Variants in NAV2 observed in about 807,000 individuals in gnomAD.
NAV2 encodes neuron navigator 2, also known as helicase, APC down-regulated 1.
A neutral mutation model predicts 223.2 loss-of-function variants in NAV2; 54 were observed. That is an observed-to-expected ratio of 0.24 (90% CI 0.19 to 0.30). The LOEUF (loss-of-function observed/expected upper bound fraction) is 0.30, where lower values mean the gene tolerates loss of function less well. NAV2 is among the 10% of genes least tolerant of loss of function. NAV2 has a pLI of 1.00. For missense variants in NAV2, 2,806 were observed against 3,147.5 expected (o/e 0.89, Z 2.60); for synonymous variants, 1,279 against 1,239.3 (o/e 1.03, Z -0.67).
chr11:19,809,117 G>A (rs2058728250), intron 1 of NAV2, among the ~76,000 whole-genome samples: 1 of 152,144 alleles, frequency 6.6e-6, no homozygotes, highest in African/African-American at 2.4e-5. Flanking sequence ...AGTTTTGAAT[G>A]GCTTCTTTTT....
At chr11:19,346,676 C>T (rs991436241), upstream of NAV2, among the ~76,000 whole-genome samples, 2 of 152,192 alleles carry the variant, frequency 1.3e-5, no homozygotes, top group Non-Finnish European at 2.9e-5. Context: ...GATAAAGGCG[C>T]CAGGGTTGGC....
intron 10 of NAV2, among the ~76,000 whole-genome samples, chr11:19,967,646 G>A (rs2048885738): frequency 6.6e-6 from 1 of 152,148 alleles, no homozygotes; most frequent in Non-Finnish European, 1.5e-5. Flanking sequence ...ACTAGAGGCA[G>A]TTTTGCAAGG....
chr11:19,599,017 T>C (rs2046285837), intron 1 of NAV2, among the ~76,000 whole-genome samples: 1 of 152,220 alleles, frequency 6.6e-6, no homozygotes, highest in African/African-American at 2.4e-5. Context: ...GCAGTTTCCA[T>C]GATGGATGAA....
chr11:19,727,013 C>T (rs772670490), intron 1 of NAV2, among the ~76,000 whole-genome samples: 3 of 152,162 alleles, frequency 2.0e-5, no homozygotes, highest in Non-Finnish European at 4.4e-5. Flanking sequence ...AGAAGAGGAC[C>T]TCATAAGACA....
chr11:19,350,738 C>T, exon 1 of NAV2: 1 of 571,490 alleles, frequency 1.7e-6, no homozygotes, highest in Non-Finnish European at 3.1e-6. Context: ...ATGATGCCGG[C>T]AGCAGTCACC....
chr11:19,929,271 A>G (rs1204820973), intron 6 of NAV2, among the ~76,000 whole-genome samples: 2 of 152,034 alleles, frequency 1.3e-5, no homozygotes, highest in Non-Finnish European at 2.9e-5. Flanking sequence ...AAAAAAAGAA[A>G]CAGACAAAGG....
intron 1 of NAV2, among the ~76,000 whole-genome samples, chr11:19,526,197 T>A (rs181555077): frequency 1.9e-4 from 29 of 152,330 alleles, no homozygotes; most frequent in Admixed American, 2.0e-4. Context: ...ATTCACTGTG[T>A]TTTAATCAAG....
At chr11:19,380,807 T>G (rs1372780114) in intron 1 of NAV2, among the ~76,000 whole-genome samples, 1 of 152,224 alleles carries the variant, frequency 6.6e-6, no homozygotes, top group Non-Finnish European at 1.5e-5. Context: ...GAACCACTTG[T>G]GTAAAGTGGC....
At chr11:19,398,242 A>G (rs766269470) in intron 1 of NAV2, among the ~76,000 whole-genome samples, 2 of 151,932 alleles carry the variant, frequency 1.3e-5, no homozygotes, top group Non-Finnish European at 2.9e-5. Context: ...AAGCAGGAGC[A>G]AGAGAGAGAG....
chr11:19,380,133 G>A (rs1337418892), intron 1 of NAV2, among the ~76,000 whole-genome samples: 1 of 152,124 alleles, frequency 6.6e-6, no homozygotes, highest in Admixed American at 6.5e-5. Flanking sequence ...AGTTAACCAT[G>A]TAAGTGGAAT....
intron 14 of NAV2, among the ~76,000 whole-genome samples, chr11:20,046,235 C>A (rs1233792599): frequency 4.0e-5 from 6 of 151,642 alleles, no homozygotes; most frequent in African/African-American, 1.5e-4. Flanking sequence ...ACTCAGGAAG[C>A]TGAGGCAGAA....
intron 1 of NAV2, among the ~76,000 whole-genome samples, chr11:19,821,055 G>T (rs768686112): frequency 1.3e-5 from 2 of 152,174 alleles, no homozygotes; most frequent in African/African-American, 4.8e-5. Context: ...GAGGTCAGAA[G>T]ATTGAGACCA....
At chr11:19,815,947 T>C (rs2059069542) in intron 1 of NAV2, among the ~76,000 whole-genome samples, 1 of 152,186 alleles carries the variant, frequency 6.6e-6, no homozygotes, top group Non-Finnish European at 1.5e-5. Context: ...TCCAGGACTT[T>C]GGAGAATAAA....
chr11:20,118,035 C>G, intron 37 of NAV2, 98 bp from the exon 38 acceptor site: 1 of 1,404,750 alleles, frequency 7.1e-7, no homozygotes, highest in Non-Finnish European at 9.8e-7. Flanking sequence ...GGCTGTTATC[C>G]CAGGTGAGTC....
rs533160631 is a variant in NAV2, at chr11:20,092,576, C to G, written c.5815+208C>G. ...TGCTCTCATGCTTTGCTCCAGCACC[C>G]CAAATTCTCCAAGCCCTGAGCTTGG... is the stretch of plus-strand genomic sequence containing the variant. On this transcript the variant is annotated intron_variant, in intron 28 of 37. Coordinates refer to ENST00000349880, the MANE Select transcript of NAV2 (RefSeq NM_145117.5). Among the ~76,000 whole-genome samples, 13 of 152,246 alleles carry G rather than the reference C, an allele frequency of 8.5e-5. No individual in the cohort carries two copies. The East Asian group carries it at 2.5e-3, about 30-fold the overall frequency.
At chr11:19,803,309 G>A (rs2152779428) in intron 1 of NAV2, among the ~76,000 whole-genome samples, 1 of 152,292 alleles carries the variant, frequency 6.6e-6, no homozygotes, top group African/African-American at 2.4e-5. Flanking sequence ...TGAAAATGCA[G>A]GCAGGGAGAT....
chr11:19,983,180 G>C (rs1019416688), intron 10 of NAV2, among the ~76,000 whole-genome samples: 1 of 152,046 alleles, frequency 6.6e-6, no homozygotes, highest in Non-Finnish European at 1.5e-5. Context: ...TCCTTTATGG[G>C]GGCTGTGAGG....
chr11:19,846,461 G>A (rs1481399205), intron 3 of NAV2, among the ~76,000 whole-genome samples: 1 of 152,166 alleles, frequency 6.6e-6, no homozygotes, highest in Non-Finnish European at 1.5e-5. Context: ...ATATGGGGGA[G>A]AAACCTCAGA....
intron 1 of NAV2, among the ~76,000 whole-genome samples, chr11:19,476,686 A>G (rs1272303080): frequency 6.6e-6 from 1 of 152,224 alleles, no homozygotes; most frequent in Non-Finnish European, 1.5e-5. Flanking sequence ...TGTGTGCAGG[A>G]CTTTCCAAGC....
Sources: allele counts gnomAD v4.1 joint callset (sites outside exome capture counted in the v4.1 genomes callset), GRCh38; gene constraint gnomAD v4.1.1; transcripts MANE v1.5; gene names NCBI Gene and HGNC (gene_info 2026-07-23, HGNC 2026-07-21).